FNDC1: variants seen among roughly 807,000 people sequenced by gnomAD.
The protein encoded by FNDC1 is fibronectin type III domain containing 1.
FNDC1 carries 96 observed loss-of-function variants against 168.0 expected under a neutral mutation model. The ratio of observed to expected loss-of-function variants is 0.57; its 90% CI spans 0.48 to 0.68. The LOEUF is 0.68. Ranked by LOEUF, FNDC1 falls within the 30% of genes least tolerant of loss-of-function variation. The pLI is 0.00. For synonymous variants in FNDC1, 1,099 were observed against 1,025.9 expected (o/e 1.07, Z -1.36); for missense variants, 2,587 against 2,482.1 (o/e 1.04, Z -0.90).
chr6:159,217,517 A>T (rs1324314913), intron 5 of FNDC1, among the ~76,000 whole-genome samples: 1 of 151,448 alleles, frequency 6.6e-6, no homozygotes, highest in African/African-American at 2.4e-5. Context: ...TCTGGTGGAG[A>T]CATTGGGTGG....
intron 13 of FNDC1, 77 bp downstream of exon 13, chr6:159,238,742 C>G (rs949079927): frequency 7.2e-6 from 7 of 974,640 alleles, no homozygotes; most frequent in Non-Finnish European, 1.1e-5. Flanking sequence ...TTCCTTCTCC[C>G]CCTCATTTAT....
At position 159,233,597 on chromosome 6, in the gene FNDC1, TC is replaced by T. The variant is rs754793587; in HGVS notation, c.3088del (p.Gln1030SerfsTer6). On this transcript the variant is annotated frameshift_variant, in exon 11 of 23. Transcript: ENST00000297267. LOFTEE classifies it high-confidence loss of function. The surrounding 1 kb of genome is among the most constrained non-coding windows in gnomAD (Gnocchi z 4.6). ...PQSRDAGRSP[S>X]QPRLSLTQAG... ...GAGCAGAGACGCGGGTCGGTCACCT[TC>T]CCAGCCCAGGCTCTCACTGACCCAG... 1.3e-6 allele frequency: 2 copies of T among 1,579,252 alleles called. No individual in the cohort carries two copies. The highest frequency in any genetic ancestry group is 1.7e-6 in the Non-Finnish European group (2 of 1,166,024).
In FNDC1 at chr6:159,239,785, C is replaced by T. The variant is rs1783372250; in HGVS notation, c.4449C>T (p.Thr1483=). 2 of 1,544,342 alleles carry T rather than the reference C, an allele frequency of 1.3e-6. No individual in the cohort carries two copies. The highest frequency in any genetic ancestry group is 2.4e-5 in the East Asian group (1 of 40,836). Residue 1483 remains threonine (T), a synonymous_variant, in exon 14 of 23, where the codon ACC becomes ACT. Coordinates refer to ENST00000297267, the MANE Select transcript of FNDC1 (RefSeq NM_032532.3). ...GCACGACCACCACCCGCCGCACGACCACCAGGCGTCCAACAACCACAGTCC... is the reference window on the plus strand; with the variant it reads ...GCACGACCACCACCCGCCGCACGACTACCAGGCGTCCAACAACCACAGTCC... ...TRRTTTTRRT[T]TRRPTTTVRT... is the part of the protein sequence containing the mutation.
chr6:159,170,211 TC>T (rs1331895015), intron 1 of FNDC1, among the ~76,000 whole-genome samples: 1 of 152,122 alleles, frequency 6.6e-6, no homozygotes, highest in East Asian at 2.0e-4. Context: ...GTCGGGTGCC[TC>T]TGCGCTCCAG....
At chr6:159,228,345 A>C (rs1244894321) in intron 9 of FNDC1, among the ~76,000 whole-genome samples, 1 of 152,248 alleles carries the variant, frequency 6.6e-6, no homozygotes. Context: ...ACGTAATAGA[A>C]GAATATACTT....
Position 159,232,741 on chromosome 6 carries a change from C to G in FNDC1, c.2229C>G (p.Gly743=). Residue 743 remains glycine (G), a synonymous_variant, in exon 11 of 23, where the codon GGC becomes GGG. Transcript: ENST00000297267. This position sits in a 1 kb window ranked among gnomAD's most constrained non-coding sequence, Gnocchi z 4.9. ...QPHLSSPLSK[G]GKDGEDAPAT... ...ACCTGAGCTCTCCACTTTCCAAGGG[C>G]GGGAAGGATGGTGAGGACGCCCCAG... 5 of 1,613,946 alleles carry G rather than the reference C, an allele frequency of 3.1e-6. No homozygotes were observed. The highest frequency in any genetic ancestry group is 4.2e-6 in the Non-Finnish European group (5 of 1,179,888).
In FNDC1 at chr6:159,234,131, T is replaced by A; in HGVS notation, c.3619T>A (p.Ser1207Thr). 6.2e-7 allele frequency: 1 copy of A among 1,603,246 alleles called. No individual in the cohort carries two copies. Among genetic ancestry groups the A allele is most frequent in the Non-Finnish European group, 8.5e-7 (1 of 1,174,712 alleles). ...SSSVPKWPSSSTPRGGKDADG... is the reference protein window; with the variant it reads ...SSSVPKWPSSTTPRGGKDADG... ...CTCTGTGCCAAAGTGGCCCTCTTCC[T>A]CCACTCCCAGGGGCGGCAAAGACGC... Residue 1207 changes from serine to threonine, a missense_variant, in exon 11 of 23, where the codon TCC becomes ACC. By Grantham distance (58) the Ser-to-Thr change is moderately conservative. Coordinates refer to ENST00000297267, the MANE Select transcript of FNDC1 (RefSeq NM_032532.3).
chr6:159,255,835 G>A (rs1777359494), intron 17 of FNDC1, among the ~76,000 whole-genome samples: 1 of 152,222 alleles, frequency 6.6e-6, no homozygotes. Flanking sequence ...GCGCTGAGCT[G>A]TGGGATGAAC....
At chr6:159,205,241 A>T (rs1782462775) in intron 4 of FNDC1, among the ~76,000 whole-genome samples, 1 of 152,244 alleles carries the variant, frequency 6.6e-6, no homozygotes, top group South Asian at 2.1e-4. Context: ...GGCATTGTAA[A>T]GATTTCTTAT....
At chr6:159,239,421 T>G in intron 13 of FNDC1, 96 bp from the exon 14 acceptor site, 2 of 1,087,120 alleles carry the variant, frequency 1.8e-6, no homozygotes, top group Non-Finnish European at 2.6e-6. Context: ...TAAAACATGA[T>G]AATACATAAG....
chr6:159,266,054 C>T (rs1420765379), intron 20 of FNDC1, 30 bp from the exon 21 acceptor site: 15 of 1,611,352 alleles, frequency 9.3e-6, no homozygotes, highest in East Asian at 2.2e-5. Flanking sequence ...GGAGTGCTTA[C>T]CCTTAGCAGG....
intron 1 of FNDC1, among the ~76,000 whole-genome samples, chr6:159,191,631 A>G (rs1176815170): frequency 6.6e-6 from 1 of 152,216 alleles, no homozygotes; most frequent in South Asian, 2.1e-4. Context: ...GAATTAAAAA[A>G]TGTAAGCATG....
chr6:159,228,254 C>T (rs1230755205), intron 9 of FNDC1, among the ~76,000 whole-genome samples: 1 of 152,158 alleles, frequency 6.6e-6, no homozygotes, highest in Non-Finnish European at 1.5e-5. Context: ...ACTCGCGTAT[C>T]TTAAGCCTGC....
rs1777563444 is a variant in FNDC1 at position 159,265,130 on chromosome 6, G to C, written c.5284+126G>C. The C allele has an allele frequency of 5.3e-6, 4 of 760,690 alleles. No homozygotes were observed. The Admixed American group carries it at 1.1e-4, about 20-fold the overall frequency. 47.1% of individuals were successfully genotyped at this position (760,690 alleles called of 1,614,324 possible). A position where few individuals can be genotyped will look rare whatever the true frequency, so the allele number is the denominator to read the frequency against. On this transcript the variant is annotated intron_variant, in intron 20 of 22. Coordinates refer to ENST00000297267, the MANE Select transcript of FNDC1 (RefSeq NM_032532.3). ...TTCACAATTTTCTGTCAACTTCTAT[G>C]CTTTCCTTGCACTCGTCATCCTGAT...
chr6:159,271,178 A>G, intron 22 of FNDC1, 149 bp from the exon 23 acceptor site: 1 of 604,128 alleles, frequency 1.7e-6, no homozygotes, highest in Non-Finnish European at 3.0e-6. Context: ...GCAACCACAC[A>G]CAAAAATGGT....
intron 18 of FNDC1, 67 bp downstream of exon 18, chr6:159,256,698 G>A (rs1777381619): frequency 1.7e-6 from 2 of 1,175,246 alleles, no homozygotes; most frequent in South Asian, 1.3e-5. Context: ...GCTTTGGTTG[G>A]AAATGAAGGG....
chr6:159,271,038 C>T (rs750237069), intron 22 of FNDC1, among the ~76,000 whole-genome samples: 1 of 152,148 alleles, frequency 6.6e-6, no homozygotes, highest in South Asian at 2.1e-4. Context: ...TGAGCTGGTC[C>T]CCAGCTCCAG....
Position 159,226,650 on chromosome 6 carries a change from G to A in FNDC1, c.1180+70G>A, listed in dbSNP as rs1189940577. 1.5e-5 allele frequency: 18 copies of A among 1,228,270 alleles called. No individual in the cohort carries two copies. In the East Asian group the frequency reaches 2.9e-4, roughly 20 times the overall value. 76.1% of individuals were successfully genotyped at this position (1,228,270 alleles called of 1,614,324 possible). On this transcript the variant is annotated intron_variant, in intron 9 of 22. Transcript: ENST00000297267. ...GAACATGGCCTCTGCTTACGGCTTT[G>A]TTGACTGAAAAAGAAATAGGGAAGC...
intron 1 of FNDC1, among the ~76,000 whole-genome samples, chr6:159,187,022 G>A (rs1782015888): frequency 6.6e-6 from 1 of 152,210 alleles, no homozygotes; most frequent in Non-Finnish European, 1.5e-5. Flanking sequence ...GGGGAATTTA[G>A]GTGGGGCTGC....
Sources: allele counts gnomAD v4.1 joint callset (sites outside exome capture counted in the v4.1 genomes callset), GRCh38; gene constraint gnomAD v4.1.1; non-coding constraint Gnocchi (gnomAD v3.1); transcripts MANE v1.5; gene names NCBI Gene and HGNC (gene_info 2026-07-23, HGNC 2026-07-21).